Variants in KIAA1549 observed in about 807,000 individuals in gnomAD.
The protein encoded by KIAA1549 is UPF0606 protein KIAA1549.
A neutral mutation model predicts 156.4 loss-of-function variants in KIAA1549; 70 were observed. That is an observed-to-expected ratio of 0.45 (90% CI 0.37 to 0.55). The LOEUF is 0.55. Ranked by LOEUF, KIAA1549 falls within the 20% of genes least tolerant of loss-of-function variation. The pLI is 0.00. For missense variants in KIAA1549, 2,428 were observed against 2,540.9 expected, an observed-to-expected ratio of 0.96 and a Z score of 0.96; for synonymous variants, 1,103 against 1,066.4, an observed-to-expected ratio of 1.03 and a Z score of -0.67.
chr7:138,869,072 G>C (rs1182219792), intron 14 of KIAA1549, among the ~76,000 whole-genome samples: 2 of 152,244 alleles, frequency 1.3e-5, no homozygotes, highest in Non-Finnish European at 2.9e-5. Context: ...AGACCCTGCA[G>C]GCAGCTGTGA....
intron 1 of KIAA1549, among the ~76,000 whole-genome samples, chr7:138,920,214 T>C (rs1384699711): frequency 6.6e-6 from 1 of 152,174 alleles, no homozygotes; most frequent in Non-Finnish European, 1.5e-5. Flanking sequence ...CCGCCTGGAA[T>C]GCCCTTCCCC....
chr7:138,883,516 T>C (rs1811309794), intron 10 of KIAA1549, among the ~76,000 whole-genome samples: 1 of 151,842 alleles, frequency 6.6e-6, no homozygotes, highest in Non-Finnish European at 1.5e-5. Flanking sequence ...GGGGTCTCAC[T>C]ATGTTGCCCA....
At chr7:138,934,176 G>A (rs904015055) in intron 1 of KIAA1549, among the ~76,000 whole-genome samples, 3 of 152,066 alleles carry the variant, frequency 2.0e-5, no homozygotes, top group Admixed American at 6.5e-5. Flanking sequence ...TGACAACACC[G>A]AAGACGAAAG....
intron 10 of KIAA1549, among the ~76,000 whole-genome samples, chr7:138,883,024 G>C (rs1811286770): frequency 6.8e-6 from 1 of 147,746 alleles, no homozygotes; most frequent in African/African-American, 2.5e-5. Context: ...GGCTGAATCG[G>C]GCAGATCACC....
In KIAA1549 at chr7:138,881,387, C is replaced by A. The variant is rs1811238877; in HGVS notation, c.4229+1G>T. 1 of 1,612,290 alleles carries A rather than the reference C, an allele frequency of 6.2e-7. No individual in the cohort carries two copies. The highest frequency in any genetic ancestry group is 8.5e-7 in the Non-Finnish European group (1 of 1,179,358). ...AATAATACAGAAAGCCCAATAATAA[C>A]CTTCCTCTGTGACGAACATTCTTGG... On this transcript the variant is annotated splice_donor_variant, in intron 11 of 19. Coordinates refer to ENST00000422774, the MANE Select transcript of KIAA1549 (RefSeq NM_001164665.2). LOFTEE classifies it high-confidence loss of function.
At position 138,840,144 on chromosome 7, in the gene KIAA1549, G is replaced by C; in HGVS notation, c.5587C>G (p.Arg1863Gly). ...CAGGAGATACTCACGGCCTCTCTTC[G>C]CCCCGCTTCGTCCTCCCCGTACGAA... is the stretch of plus-strand genomic sequence containing the variant. The part of the protein sequence containing the change: ...WPSYGEDEAG[R>G]REATHMLGHQ... Residue 1863 changes from arginine (R) to glycine (G), a missense_variant, in exon 19 of 20, where the codon CGA becomes GGA. By Grantham distance (125) the Arg-to-Gly change is moderately radical. Coordinates refer to ENST00000422774, the MANE Select transcript of KIAA1549 (RefSeq NM_001164665.2). 1 of 1,551,600 alleles carries C rather than the reference G, an allele frequency of 6.4e-7. No individual in the cohort carries two copies. Among genetic ancestry groups the C allele is most frequent in the South Asian group, 1.2e-5 (1 of 83,856 alleles).
chr7:138,917,367 G>A lies in KIAA1549; in HGVS notation c.2259C>T (p.Ser753=). The A allele has an allele frequency of 1.2e-6, 2 of 1,613,980 alleles. No individual in the cohort carries two copies. The highest frequency in any genetic ancestry group is 2.2e-5 in the South Asian group (2 of 91,074). The change falls in exon 2 of 20, where the codon TCC becomes TCT. Residue 753 remains serine, a synonymous_variant. Coordinates refer to ENST00000422774, the MANE Select transcript of KIAA1549 (RefSeq NM_001164665.2). ...GGGAAATGAGTGAAGACTCAAGATA[G>A]GAGGTAGTTTCAATGAAAGCTGAGG... is the stretch of plus-strand genomic sequence containing the variant. ...HFTSAFIETT[S]YLESSLISHE...
chr7:138,841,589 A>T (rs1188874112), intron 18 of KIAA1549, among the ~76,000 whole-genome samples: 1 of 152,222 alleles, frequency 6.6e-6, no homozygotes, highest in Non-Finnish European at 1.5e-5. Context: ...CTTATTTCTA[A>T]ATTTGGAAAT....
chr7:138,895,776 TG>T (rs1811667171), intron 9 of KIAA1549, among the ~76,000 whole-genome samples: 2 of 152,166 alleles, frequency 1.3e-5, no homozygotes, highest in Non-Finnish European at 2.9e-5. Context: ...GAAGCTTCAC[TG>T]TGTTAATTTG....
intron 1 of KIAA1549, among the ~76,000 whole-genome samples, chr7:138,958,710 G>C (rs1813745954): frequency 6.6e-6 from 1 of 151,992 alleles, no homozygotes; most frequent in South Asian, 2.1e-4. Context: ...GAGAGGACTG[G>C]TTTCTTCCTA....
intron 1 of KIAA1549, among the ~76,000 whole-genome samples, chr7:138,952,366 C>T (rs1019985812): frequency 9.9e-5 from 15 of 152,176 alleles, no homozygotes; most frequent in African/African-American, 3.6e-4. Flanking sequence ...AGAAATCAGG[C>T]TAAGGCAAGA....
At chr7:138,844,041 T>A (rs1809997769) in intron 18 of KIAA1549, among the ~76,000 whole-genome samples, 1 of 152,182 alleles carries the variant, frequency 6.6e-6, no homozygotes, top group African/African-American at 2.4e-5. Context: ...CCTAGATCTT[T>A]CCATTTACAG....
intron 1 of KIAA1549, among the ~76,000 whole-genome samples, chr7:138,957,679 T>C (rs1813708838): frequency 6.6e-6 from 1 of 152,068 alleles, no homozygotes; most frequent in Non-Finnish European, 1.5e-5. Flanking sequence ...GGTTTCACCA[T>C]GTTAGCAAGG....
At chr7:138,888,260 C>T (rs1231388155) in intron 10 of KIAA1549, among the ~76,000 whole-genome samples, 3 of 152,140 alleles carry the variant, frequency 2.0e-5, no homozygotes, top group East Asian at 1.9e-4. Context: ...TGTTTACTTC[C>T]GAAAGATCAA....
chr7:138,917,562 G>A lies in KIAA1549; in HGVS notation c.2064C>T (p.Ser688=). 6.2e-7 allele frequency: 1 copy of A among 1,613,868 alleles called. No homozygotes were observed. The highest frequency in any genetic ancestry group is 1.7e-5 in the Admixed American group (1 of 60,014). ...LQSSQLSLPS[S]TNLEFSQLQP... is the part of the protein sequence containing the mutation. ...GGAGCTGCGAAAACTCAAGATTTGT[G>A]GAACTGGGAAGAGACAGCTGAGATG... The change falls in exon 2 of 20, where the codon TCC becomes TCT. Residue 688 remains serine (S), a synonymous_variant. Coordinates refer to ENST00000422774, the MANE Select transcript of KIAA1549 (RefSeq NM_001164665.2).
chr7:138,872,128 G>A (rs1292351823), intron 12 of KIAA1549, among the ~76,000 whole-genome samples: 1 of 152,150 alleles, frequency 6.6e-6, no homozygotes, highest in East Asian at 1.9e-4. Flanking sequence ...AATACTTTTA[G>A]TAGAGACAAG....
chr7:138,921,378 T>C (rs1228671631), intron 1 of KIAA1549, among the ~76,000 whole-genome samples: 2 of 152,228 alleles, frequency 1.3e-5, no homozygotes, highest in African/African-American at 4.8e-5. Flanking sequence ...GACTTTGCTT[T>C]CTGGCGGAAA....
chr7:138,979,442 C>T (rs142668798), intron 1 of KIAA1549, among the ~76,000 whole-genome samples: 22 of 152,330 alleles, frequency 1.4e-4, no homozygotes, highest in African/African-American at 4.8e-4. Flanking sequence ...CCAAACCAAC[C>T]TAAACTCAAA....
chr7:138,921,188 G>C (rs1350786993), intron 1 of KIAA1549, among the ~76,000 whole-genome samples: 1 of 152,034 alleles, frequency 6.6e-6, no homozygotes, highest in Non-Finnish European at 1.5e-5. Context: ...GAGTGAATTA[G>C]GAAGAAAAAT....
Sources: gnomAD v4.1 joint callset for allele counts (sites outside exome capture counted in the v4.1 genomes callset) on GRCh38, gnomAD v4.1.1 for gene constraint, MANE v1.5 for transcripts, NCBI Gene and HGNC (gene_info 2026-07-23, HGNC 2026-07-21) for gene names.